The following COG4 variants were observed in gnomAD, a reference collection of about 807,000 sequenced individuals.
The protein encoded by COG4 is conserved oligomeric Golgi complex subunit 4.
COG4 carries 65 observed loss-of-function variants against 95.1 expected under a neutral mutation model. The ratio of observed to expected loss-of-function variants is 0.68; its 90% CI spans 0.56 to 0.84. The LOEUF (loss-of-function observed/expected upper bound fraction) is 0.84. Ranked by LOEUF, COG4 falls within the 40% of genes least tolerant of loss-of-function variation. The pLI is 0.00. For synonymous variants in COG4, 421 were observed against 374.8 expected, an observed-to-expected ratio of 1.12 and a Z score of -1.42; for missense variants, 1,045 against 989.1, an observed-to-expected ratio of 1.06 and a Z score of -0.76.
intron 13 of COG4, among the ~76,000 whole-genome samples, chr16:70,485,076 T>C (rs1336072672): frequency 6.6e-6 from 1 of 151,972 alleles, no homozygotes; most frequent in East Asian, 1.9e-4. Flanking sequence ...GCCATGGCAA[T>C]AAGTCAGGAA....
Position 70,505,786 on chromosome 16 carries a change from G to C in COG4, c.1061+2620C>G, listed in dbSNP as rs546234669. 2.0e-5 allele frequency among the ~76,000 whole-genome samples: 3 copies of C among 151,858 alleles called. No homozygotes were observed. The East Asian group carries it at 5.9e-4, about 30-fold the overall frequency. Reference sequence around the variant, plus strand: ...GGAGCTTGCAGTGAGCCGAGATAGCGCCACTGCACTTCAGCCTGGGCGAAA... The same window carrying C: ...GGAGCTTGCAGTGAGCCGAGATAGCCCCACTGCACTTCAGCCTGGGCGAAA... On this transcript the variant is annotated intron_variant, in intron 8 of 18. Transcript: ENST00000323786.
Position 70,481,763 on chromosome 16 carries a change from C to T in COG4, c.2106+1G>A, listed in dbSNP as rs902901492. ...GCAGACCCATGACCCCTTTACCTTA[C>T]CCGGTTAAAGGTGGATTTCAGCACC... On this transcript the variant is annotated splice_donor_variant, in intron 17 of 18. Transcript: ENST00000323786. LOFTEE classifies it high-confidence loss of function. 5 of 1,611,960 alleles carry T rather than the reference C, an allele frequency of 3.1e-6. No individual in the cohort carries two copies. The highest frequency in any genetic ancestry group is 4.2e-6 in the Non-Finnish European group (5 of 1,178,156).
Position 70,492,894 on chromosome 16 carries a change from C to A in COG4, c.1648-2502G>T, listed in dbSNP as rs543964200. On this transcript the variant is annotated intron_variant, in intron 12 of 18. Transcript: ENST00000323786. Reference sequence around the variant, plus strand: ...AGGAGAATCGCTTGAACCTATGAGGCGGAGGTTGCAGTGAGCCAAGATCGC... The same window carrying A: ...AGGAGAATCGCTTGAACCTATGAGGAGGAGGTTGCAGTGAGCCAAGATCGC... Among the ~76,000 whole-genome samples, 21 of 151,914 alleles carry A rather than the reference C, an allele frequency of 1.4e-4. No individual in the cohort carries two copies. The East Asian group carries it at 3.3e-3, about 24-fold the overall frequency.
intron 17 of COG4, 43 bp from the exon 18 acceptor site, chr16:70,481,530 A>G: frequency 6.2e-7 from 1 of 1,609,466 alleles, no homozygotes; most frequent in Admixed American, 1.7e-5. Flanking sequence ...GGCCTGGCCA[A>G]GCAGAACTGG....
chr16:70,502,609 A>C (rs551396850), intron 8 of COG4, among the ~76,000 whole-genome samples: 2 of 152,196 alleles, frequency 1.3e-5, no homozygotes, highest in East Asian at 3.9e-4. Context: ...CTTAAAAAAA[A>C]AAAAAAATTA....
intron 13 of COG4, among the ~76,000 whole-genome samples, chr16:70,485,760 ATT>A (rs2049118024): frequency 7.1e-6 from 1 of 140,204 alleles, no homozygotes; most frequent in African/African-American, 2.6e-5. Flanking sequence ...TAATTATTGT[ATT>A]TTTGTAGAGA....
chr16:70,482,501 T>C, intron 15 of COG4: 1 of 614,390 alleles, frequency 1.6e-6, no homozygotes, highest in Non-Finnish European at 2.9e-6. Flanking sequence ...CAAAAAGAGC[T>C]CCAATAAGGG....
At chr16:70,519,569 A>G in intron 2 of COG4, 80 bp downstream of exon 2, 1 of 1,011,642 alleles carries the variant, frequency 9.9e-7, no homozygotes, top group African/African-American at 1.6e-5. Flanking sequence ...TGTTTATAAC[A>G]GAAAGTTTAA....
At chr16:70,497,645 C>T (rs1223469618) in intron 10 of COG4, among the ~76,000 whole-genome samples, 1 of 152,170 alleles carries the variant, frequency 6.6e-6, no homozygotes, top group African/African-American at 2.4e-5. Context: ...GCCCTACTTC[C>T]CTGAGGCTCC....
intron 6 of COG4, among the ~76,000 whole-genome samples, chr16:70,509,606 T>C (rs979066624): frequency 3.3e-5 from 5 of 152,210 alleles, no homozygotes; most frequent in East Asian, 1.9e-4. Flanking sequence ...GTAAGTTACA[T>C]TGATACTGTT....
chr16:70,489,505 C>T (rs887526607), intron 13 of COG4, among the ~76,000 whole-genome samples: 1 of 151,006 alleles, frequency 6.6e-6, no homozygotes, highest in African/African-American at 2.4e-5. Context: ...GCATGAGCCA[C>T]CTCACCTGGC....
At chr16:70,512,108 A>T (rs2049718752) in intron 5 of COG4, 131 bp downstream of exon 5, 3 of 869,674 alleles carry the variant, frequency 3.4e-6, no homozygotes, top group Non-Finnish European at 5.7e-6. Flanking sequence ...CTGCATGGCT[A>T]CACAGCAAGG....
At chr16:70,481,526 GC>G in intron 17 of COG4, 39 bp from the exon 18 acceptor site, 1 of 1,609,460 alleles carries the variant, frequency 6.2e-7, no homozygotes, top group South Asian at 1.1e-5. Flanking sequence ...CTTAGGCCTG[GC>G]CAAGCAGAAC....
In COG4 at chr16:70,519,183, G is replaced by T. The variant is rs567558042; in HGVS notation, c.254+466C>A. Among the ~76,000 whole-genome samples the T allele has an allele frequency of 3.4e-3, 120 of 34,998 alleles. 35 individuals carry two copies. Among genetic ancestry groups the T allele is most frequent in the African/African-American group, 0.017 (12 of 708 alleles). 23.0% of individuals were successfully genotyped at this position (34,998 alleles called of 152,430 possible). ...TGCCCAGGCCAGACTGCGGACTGCA[G>T]TGGCGCAATCTCGGCTCATTGCAAG... On this transcript the variant is annotated intron_variant, in intron 2 of 18. Transcript: ENST00000323786.
In COG4 at chr16:70,496,340, G is replaced by A. The variant is rs778046649; in HGVS notation, c.1573C>T (p.His525Tyr). 1 of 1,614,062 alleles carries A rather than the reference G, an allele frequency of 6.2e-7. No homozygotes were observed. Among genetic ancestry groups the A allele is most frequent in the Non-Finnish European group, 8.5e-7 (1 of 1,180,044 alleles). ...AATTTGCCTTGCTGGAGGCTGCTGT[G>A]CATGATGTTCACGGCACTTGTCACC... Reference protein sequence around the residue: ...RGVTSAVNIMHSSLQQGKFDT... With the variant: ...RGVTSAVNIMYSSLQQGKFDT... The change falls in exon 12 of 19, where the codon CAC becomes TAC. Residue 525 changes from histidine to tyrosine, a missense_variant. Transcript: ENST00000323786.
intron 4 of COG4, 79 bp from the exon 5 acceptor site, chr16:70,512,511 T>C: frequency 8.4e-7 from 1 of 1,188,096 alleles, no homozygotes; most frequent in South Asian, 1.3e-5. Context: ...GTAATACTAT[T>C]CATCCAGCAA....
chr16:70,514,819 T>TCCTCCA (rs1241730345), intron 3 of COG4, among the ~76,000 whole-genome samples: 1 of 151,660 alleles, frequency 6.6e-6, no homozygotes, highest in East Asian at 1.9e-4. Flanking sequence ...GCCTAAGCTA[T>TCCTCCA]CCTCCACCTC....
At chr16:70,505,722 A>G (rs542103800) in intron 8 of COG4, among the ~76,000 whole-genome samples, 5 of 151,708 alleles carry the variant, frequency 3.3e-5, no homozygotes, top group African/African-American at 4.8e-5. Context: ...CCAGCTACTC[A>G]GGAGGCTGAG....
intron 9 of COG4, 126 bp from the exon 10 acceptor site, chr16:70,498,181 AT>A: frequency 1.5e-6 from 1 of 687,396 alleles, no homozygotes; most frequent in Non-Finnish European, 2.7e-6. Context: ...CATCGTTACA[AT>A]CATGATACAG....
Sources: gnomAD v4.1 joint callset for allele counts (sites outside exome capture counted in the v4.1 genomes callset) on GRCh38, gnomAD v4.1.1 for gene constraint, MANE v1.5 for transcripts, NCBI Gene and HGNC (gene_info 2026-07-23, HGNC 2026-07-21) for gene names.